Variants in NAALADL2 observed in about 807,000 individuals in gnomAD.
The protein encoded by NAALADL2 is inactive N-acetylated-alpha-linked acidic dipeptidase-like protein 2.
A neutral mutation model predicts 87.2 loss-of-function variants in NAALADL2; 76 were observed. The ratio of observed to expected loss-of-function variants is 0.87; its 90% CI spans 0.72 to 1.05. The LOEUF (loss-of-function observed/expected upper bound fraction) is 1.05. Ranked by LOEUF, NAALADL2 falls within the 50% of genes least tolerant of loss-of-function variation. The pLI, the probability that NAALADL2 is intolerant of heterozygous loss-of-function variation, is 0.00. For missense variants in NAALADL2, 1,089 were observed against 945.8 expected, an observed-to-expected ratio of 1.15 and a Z score of -1.99; for synonymous variants, 354 against 331.0, an observed-to-expected ratio of 1.07 and a Z score of -0.75.
At chr3:174,590,914 C>T (rs960393957) in intron 2 of NAALADL2, among the ~76,000 whole-genome samples, 1 of 152,050 alleles carries the variant, frequency 6.6e-6, no homozygotes, top group Non-Finnish European at 1.5e-5. Flanking sequence ...GAGAGGCTTC[C>T]ATTAGTATCA....
At chr3:174,609,041 A>G (rs1479259430) in intron 2 of NAALADL2, among the ~76,000 whole-genome samples, 2 of 151,846 alleles carry the variant, frequency 1.3e-5, no homozygotes, top group African/African-American at 4.8e-5. Context: ...TCCAGCATAT[A>G]AACAGAACCA....
chr3:174,729,939 C>A (rs1382674377), intron 2 of NAALADL2, among the ~76,000 whole-genome samples: 1 of 152,004 alleles, frequency 6.6e-6, no homozygotes, highest in Non-Finnish European at 1.5e-5. Context: ...TTCCCTATGG[C>A]ATTTGGCAAA....
At position 175,416,935 on chromosome 3, in the gene NAALADL2, T is replaced by A. The variant is rs918636313; in HGVS notation, c.1091-30294T>A. Among the ~76,000 whole-genome samples, 7 of 152,010 alleles carry A rather than the reference T, an allele frequency of 4.6e-5. No homozygotes were observed. The East Asian group carries it at 1.3e-3, about 29-fold the overall frequency. ...GTTGTTAAGTGACTATATATTATCT[T>A]TGAAATTTAAAATAATTAAAAAATG... is the stretch of plus-strand genomic sequence containing the variant. On this transcript the variant is annotated intron_variant, in intron 5 of 13. Coordinates refer to ENST00000454872, the MANE Select transcript of NAALADL2 (RefSeq NM_207015.3).
At chr3:175,006,844 C>T (rs773485591) in intron 1 of NAALADL2, among the ~76,000 whole-genome samples, 1 of 150,728 alleles carries the variant, frequency 6.6e-6, no homozygotes, top group Non-Finnish European at 1.5e-5. Flanking sequence ...TTTTGTTGAG[C>T]CTTTTCTTTT....
chr3:175,647,086 A>C (rs1730111627), intron 11 of NAALADL2, among the ~76,000 whole-genome samples: 1 of 152,076 alleles, frequency 6.6e-6, no homozygotes, highest in South Asian at 2.1e-4. Flanking sequence ...TGGTTCTTAA[A>C]TGTTTCAGCC....
intron 2 of NAALADL2, among the ~76,000 whole-genome samples, chr3:174,667,689 G>A (rs1022487010): frequency 1.7e-4 from 26 of 152,002 alleles, no homozygotes; most frequent in Non-Finnish European, 2.6e-4. Flanking sequence ...TGGTGGGTGA[G>A]AGTTCTGCTC....
At chr3:174,922,504 A>G (rs566591927) in intron 1 of NAALADL2, among the ~76,000 whole-genome samples, 1 of 152,240 alleles carries the variant, frequency 6.6e-6, no homozygotes, top group Admixed American at 6.5e-5. Flanking sequence ...GGACAGCACT[A>G]TTACCTAAAC....
At chr3:175,152,125 TA>T (rs1292161379) in intron 2 of NAALADL2, among the ~76,000 whole-genome samples, 17 of 152,308 alleles carry the variant, frequency 1.1e-4, no homozygotes, top group African/African-American at 3.8e-4. Context: ...TAAGTAGGGT[TA>T]TATTGTAGGA....
chr3:175,456,652 T>A (rs574440727), intron 6 of NAALADL2, among the ~76,000 whole-genome samples: 2 of 152,196 alleles, frequency 1.3e-5, no homozygotes, highest in African/African-American at 4.8e-5. Flanking sequence ...TGAATATCTC[T>A]GACTTTGTCA....
intron 11 of NAALADL2, among the ~76,000 whole-genome samples, chr3:175,630,037 A>G (rs1727542328): frequency 1.3e-5 from 2 of 151,758 alleles, no homozygotes; most frequent in South Asian, 4.1e-4. Flanking sequence ...GAGGTTTTTT[A>G]TGATGACATA....
chr3:175,427,793 AT>A (rs1280776605), intron 5 of NAALADL2, among the ~76,000 whole-genome samples: 3 of 78,252 alleles, frequency 3.8e-5, no homozygotes, highest in Non-Finnish European at 1.0e-4. Context: ...TAGGAATACA[AT>A]AAAGTAATTC....
chr3:175,116,440 C>T (rs1459037506), intron 2 of NAALADL2, among the ~76,000 whole-genome samples: 2 of 151,462 alleles, frequency 1.3e-5, no homozygotes, highest in South Asian at 2.1e-4. Flanking sequence ...ACACCAATAA[C>T]AGACAAACAG....
chr3:174,713,773 T>G (rs1166509839), intron 2 of NAALADL2, among the ~76,000 whole-genome samples: 2 of 151,888 alleles, frequency 1.3e-5, no homozygotes, highest in Non-Finnish European at 2.9e-5. Flanking sequence ...TGATGGTAGT[T>G]TCTTCTGCTG....
chr3:175,290,386 A>G (rs986945753), intron 4 of NAALADL2, among the ~76,000 whole-genome samples: 3 of 152,232 alleles, frequency 2.0e-5, no homozygotes, highest in African/African-American at 4.8e-5. Context: ...GAAAATTTAG[A>G]AAAAGCAAAT....
chr3:175,105,548 A>G (rs1722961657), intron 2 of NAALADL2, among the ~76,000 whole-genome samples: 1 of 133,686 alleles, frequency 7.5e-6, no homozygotes, highest in South Asian at 2.3e-4. Flanking sequence ...ATTTATATAT[A>G]GATTTATATA....
At chr3:175,339,212 C>G (rs576124619) in intron 5 of NAALADL2, among the ~76,000 whole-genome samples, 1 of 152,274 alleles carries the variant, frequency 6.6e-6, no homozygotes, top group Admixed American at 6.5e-5. Context: ...AATCACTAAT[C>G]GAAAGATAGA....
intron 1 of NAALADL2, among the ~76,000 whole-genome samples, chr3:175,023,140 A>G (rs964199712): frequency 2.0e-5 from 3 of 152,148 alleles, no homozygotes; most frequent in Non-Finnish European, 4.4e-5. Context: ...ATAAATAACA[A>G]AAGACCACTC....
intron 2 of NAALADL2, among the ~76,000 whole-genome samples, chr3:175,233,338 G>A (rs545768844): frequency 6.6e-6 from 1 of 152,272 alleles, no homozygotes; most frequent in South Asian, 2.1e-4. Flanking sequence ...TGTTGATGTT[G>A]ATAGAAGGAT....
chr3:175,691,251 C>CAG (rs1404985847), intron 11 of NAALADL2, among the ~76,000 whole-genome samples: 1 of 150,266 alleles, frequency 6.7e-6, no homozygotes, highest in Non-Finnish European at 1.5e-5. Context: ...TATATACACA[C>CAG]AGATAATATA....
Sources: allele counts gnomAD v4.1 joint callset (sites outside exome capture counted in the v4.1 genomes callset), GRCh38; gene constraint gnomAD v4.1.1; transcripts MANE v1.5; gene names NCBI Gene and HGNC (gene_info 2026-07-23, HGNC 2026-07-21).